TP73: variants seen among roughly 807,000 people sequenced by gnomAD.
The protein encoded by TP73 is tumor protein p73.
A neutral mutation model predicts 62.5 loss-of-function variants in TP73; 25 were observed. The ratio of observed to expected loss-of-function variants is 0.40; its 90% CI spans 0.29 to 0.56. The LOEUF is 0.56. Among genes scored for constraint, TP73 ranks in the 20% least tolerant of loss-of-function variants. TP73 has a pLI of 0.46. For synonymous variants in TP73, 423 were observed against 377.5 expected (o/e 1.12, Z -1.40); for missense variants, 754 against 913.3 (o/e 0.83, Z 2.25).
chr1:3,700,306 A>G (rs79493695), intron 3 of TP73, among the ~76,000 whole-genome samples: 3,087 of 152,140 alleles, frequency 0.02, 93 homozygotes, highest in African/African-American at 0.07. Context: ...TTTCCACTAA[A>G]AAATACGTTC....
At chr1:3,654,280 C>T (rs1374695408) in intron 1 of TP73, among the ~76,000 whole-genome samples, 5 of 152,142 alleles carry the variant, frequency 3.3e-5, no homozygotes, top group Admixed American at 6.5e-5. Flanking sequence ...CGGACCTGAG[C>T]GGGGCTTGTC....
intron 4 of TP73, among the ~76,000 whole-genome samples, chr1:3,710,860 C>T (rs776128088): frequency 1.1e-4 from 16 of 152,354 alleles, no homozygotes; most frequent in South Asian, 6.2e-4. Context: ...CAGGCCTCCC[C>T]CCATCACTGC....
intron 3 of TP73, among the ~76,000 whole-genome samples, chr1:3,697,168 G>A (rs549426334): frequency 0.026 from 2,860 of 108,242 alleles, 97 homozygotes; most frequent in African/African-American, 0.083. Context: ...TCGCACCCGC[G>A]GCCCACGTCG....
At chr1:3,681,927 A>G (rs113874189) in intron 1 of TP73, among the ~76,000 whole-genome samples, 7 of 108,214 alleles carry the variant, frequency 6.5e-5, no homozygotes, top group Non-Finnish European at 6.8e-5. Flanking sequence ...ACAGTGGATC[A>G]TAACAGACCA....
chr1:3,707,095 G>A (rs1044454218), intron 3 of TP73, among the ~76,000 whole-genome samples: 6 of 152,126 alleles, frequency 3.9e-5, no homozygotes, highest in Non-Finnish European at 8.8e-5. Flanking sequence ...CCAGGTGTGC[G>A]CACCCTGCAC....
At chr1:3,693,744 CAG>C (rs1638311023) in intron 3 of TP73, among the ~76,000 whole-genome samples, 1 of 140,184 alleles carries the variant, frequency 7.1e-6, no homozygotes, top group Admixed American at 7.2e-5. Flanking sequence ...CCTGCAGCCT[CAG>C]CTCCTCCTCC....
Position 3,683,024 on chromosome 1 carries a change from G to A in TP73, c.66-36G>A, listed in dbSNP as rs774278400. 1.0e-5 allele frequency: 16 copies of A among 1,581,586 alleles called. No homozygotes were observed. The Admixed American group carries it at 1.4e-4, about 13-fold the overall frequency. ...AGGTATTGGGGTGACACCCAAACTG[G>A]GGACTGACGCTTCTATTTTCCTCTC... On this transcript the variant is annotated intron_variant, in intron 2 of 13. Coordinates refer to ENST00000378295, the MANE Select transcript of TP73 (RefSeq NM_005427.4).
intron 1 of TP73, among the ~76,000 whole-genome samples, chr1:3,680,040 C>T (rs1013472937): frequency 1.3e-5 from 2 of 150,852 alleles, no homozygotes; most frequent in African/African-American, 4.9e-5. Context: ...TCTCTCTCTT[C>T]CTGTCTCTAT....
At chr1:3,665,659 T>G (rs1197725464) in intron 1 of TP73, among the ~76,000 whole-genome samples, 1 of 23,508 alleles carries the variant, frequency 4.3e-5, no homozygotes, top group Admixed American at 4.1e-4. Flanking sequence ...TCTCTTTTCT[T>G]TTTTTTTTTT....
chr1:3,679,845 C>A (rs1456449894), intron 1 of TP73, among the ~76,000 whole-genome samples: 1 of 95,292 alleles, frequency 1.0e-5, no homozygotes, highest in Non-Finnish European at 2.3e-5. Flanking sequence ...GTCCTTGTAT[C>A]TCTCTGTCTC....
chr1:3,683,668 C>T (rs112591491), intron 3 of TP73, among the ~76,000 whole-genome samples: 8 of 152,356 alleles, frequency 5.3e-5, no homozygotes, highest in African/African-American at 1.9e-4. Flanking sequence ...TACCAGGCTC[C>T]ACCAGCATGC....
intron 1 of TP73, among the ~76,000 whole-genome samples, chr1:3,674,812 C>T (rs895808690): frequency 1.3e-5 from 2 of 152,192 alleles, no homozygotes; most frequent in African/African-American, 4.8e-5. Flanking sequence ...TGACGCCCTG[C>T]AGGAATTCCG....
At chr1:3,715,985 GC>G (rs1250780844) in intron 4 of TP73, among the ~76,000 whole-genome samples, 1 of 152,208 alleles carries the variant, frequency 6.6e-6, no homozygotes, top group African/African-American at 2.4e-5. Flanking sequence ...GCGCTTCCAG[GC>G]CGTTGAGAGT....
rs945060534 is a variant in TP73, at chr1:3,699,805, G to A, written c.187-7744G>A. 2.0e-5 allele frequency among the ~76,000 whole-genome samples: 3 copies of A among 152,170 alleles called. No individual in the cohort carries two copies. The highest frequency in any genetic ancestry group is 4.8e-5 in the African/African-American group (2 of 41,438). ...GAGGTGGAGCTGGGGAGGGGCCAGC[G>A]GGGCGTCAGGATTTCAGCTGACATC... On this transcript the variant is annotated intron_variant, in intron 3 of 13. Transcript: ENST00000378295. This position sits in a 1 kb window ranked among gnomAD's most constrained non-coding sequence, Gnocchi z 4.1.
intron 1 of TP73, among the ~76,000 whole-genome samples, chr1:3,653,375 G>A (rs1644800691): frequency 1.3e-5 from 2 of 152,230 alleles, no homozygotes; most frequent in Non-Finnish European, 2.9e-5. Context: ...TGCAGCCCCT[G>A]CCTTTCCCGG....
At position 3,706,511 on chromosome 1, in the gene TP73, G is replaced by C. The variant is rs72470159; in HGVS notation, c.187-1038G>C. Among the ~76,000 whole-genome samples, 1,037 of 145,710 alleles carry C rather than the reference G, an allele frequency of 7.1e-3. 16 individuals carry two copies. The highest frequency in any genetic ancestry group is 0.026 in the East Asian group (123 of 4,724). On this transcript the variant is annotated intron_variant, in intron 3 of 13. Transcript: ENST00000378295. ...ATCACGGTGCCCGCCGCAGGCCCGGGGAGAGGGGGGTAAAGGCATTTGTTT... is the reference window on the plus strand; with the variant it reads ...ATCACGGTGCCCGCCGCAGGCCCGGCGAGAGGGGGGTAAAGGCATTTGTTT...
intron 9 of TP73, 107 bp downstream of exon 9, chr1:3,728,324 G>A (rs1275131429): frequency 4.6e-5 from 55 of 1,199,552 alleles, no homozygotes; most frequent in South Asian, 4.3e-4. Flanking sequence ...TGGTGGAGGG[G>A]GCGGGAGGAG....
At chr1:3,690,213 C>T (rs889060870) in intron 3 of TP73, among the ~76,000 whole-genome samples, 12 of 152,214 alleles carry the variant, frequency 7.9e-5, no homozygotes, top group Admixed American at 7.2e-4. Context: ...TGCTCACTCC[C>T]GTCACCTGTC....
intron 3 of TP73, among the ~76,000 whole-genome samples, chr1:3,686,203 C>A (rs2102108822): frequency 6.6e-6 from 1 of 152,360 alleles, no homozygotes; most frequent in South Asian, 2.1e-4. Flanking sequence ...TGCTTGAGCG[C>A]AGGACACTGG....
Sources: gnomAD v4.1 joint callset for allele counts (sites outside exome capture counted in the v4.1 genomes callset) on GRCh38, gnomAD v4.1.1 for gene constraint, Gnocchi (gnomAD v3.1) non-coding constraint, MANE v1.5 for transcripts, NCBI Gene and HGNC (gene_info 2026-07-23, HGNC 2026-07-21) for gene names.